The following ACTR3C variants were observed in gnomAD, a reference collection of about 807,000 sequenced individuals.
ACTR3C encodes the protein actin related protein 3C, also known as actin-related protein 3C.
Under a neutral mutation model 26.3 loss-of-function variants are expected in ACTR3C, and 18 were observed. The observed-to-expected ratio is 0.68, with a 90% CI of 0.47 to 1.01. ACTR3C has a LOEUF of 1.01. Among genes scored for constraint, ACTR3C ranks in the 50% least tolerant of loss-of-function variants. The pLI, the probability that ACTR3C is intolerant of heterozygous loss-of-function variation, is 0.00. For missense variants in ACTR3C, 184 were observed against 250.7 expected (o/e 0.73, Z 1.80); for synonymous variants, 55 against 94.5 (o/e 0.58, Z 2.42).
At chr7:149,891,608 C>T in the ACTR3C span, among the ~76,000 whole-genome samples, 15 of 151,814 alleles carry the variant, frequency 9.9e-5, no homozygotes, top group African/African-American at 1.7e-4. Flanking sequence ...GAGGCTCACC[C>T]GAGCCCAGGA....
the ACTR3C span, among the ~76,000 whole-genome samples, chr7:150,006,030 T>C: frequency 6.6e-6 from 1 of 152,002 alleles, no homozygotes; most frequent in Admixed American, 6.6e-5. Flanking sequence ...CCCTGAGGAA[T>C]TGCTGGAGGT....
chr7:150,130,543 A>G, the ACTR3C span, among the ~76,000 whole-genome samples: 1 of 152,228 alleles, frequency 6.6e-6, no homozygotes, highest in Non-Finnish European at 1.5e-5. Flanking sequence ...GGTGGCAAAT[A>G]AATACACAAA....
chr7:149,961,117 T>TACAGTCACAGGAAGTGC, the ACTR3C span, among the ~76,000 whole-genome samples: 146 of 150,222 alleles, frequency 9.7e-4, 2 homozygotes, highest in Non-Finnish European at 1.3e-3. Context: ...ACAGGAAGTG[T>TACAGTCACAGGAAGTGC]ACAGTCACAG....
the ACTR3C span, among the ~76,000 whole-genome samples, chr7:150,036,673 C>T: frequency 4.3e-5 from 6 of 139,816 alleles, no homozygotes; most frequent in Admixed American, 6.9e-5. Context: ...CCTTAAGCTC[C>T]GGTAGATTGC....
chr7:150,060,438 T>A, the ACTR3C span, among the ~76,000 whole-genome samples: 1 of 152,216 alleles, frequency 6.6e-6, no homozygotes, highest in Non-Finnish European at 1.5e-5. Flanking sequence ...TTACTGCTTC[T>A]CTTTCCCACC....
the ACTR3C span, among the ~76,000 whole-genome samples, chr7:149,909,431 A>G: frequency 8.3e-6 from 1 of 120,100 alleles, no homozygotes; most frequent in African/African-American, 3.4e-5. Flanking sequence ...AATTGAATAA[A>G]TGGACCCTGC....
At chr7:149,978,895 G>T in the ACTR3C span, among the ~76,000 whole-genome samples, 6 of 152,178 alleles carry the variant, frequency 3.9e-5, no homozygotes, top group African/African-American at 1.4e-4. Context: ...CAGCCCTAAA[G>T]CGGACTGTTC....
At chr7:149,882,115 C>T in the ACTR3C span, 2 of 152,316 alleles carry the variant, frequency 1.3e-5, no homozygotes, top group Non-Finnish European at 2.9e-5. Flanking sequence ...GGGGGAACCA[C>T]TCTGCCAGTT....
At chr7:149,910,525 G>C in the ACTR3C span, among the ~76,000 whole-genome samples, 2 of 152,068 alleles carry the variant, frequency 1.3e-5, no homozygotes, top group Non-Finnish European at 2.9e-5. Flanking sequence ...GTTGAAACGC[G>C]GTAAGTAAAT....
the ACTR3C span, among the ~76,000 whole-genome samples, chr7:150,046,767 A>C: frequency 6.9e-6 from 1 of 145,002 alleles, no homozygotes; most frequent in South Asian, 2.4e-4. Flanking sequence ...GGTTAAACGC[A>C]TCCATCTAAG....
chr7:149,923,708 A>T, the ACTR3C span, among the ~76,000 whole-genome samples: 16 of 152,266 alleles, frequency 1.1e-4, no homozygotes, highest in Admixed American at 2.0e-4. Context: ...ACACACACAC[A>T]AATGTGAGCC....
the ACTR3C span, among the ~76,000 whole-genome samples, chr7:150,218,940 G>C: frequency 6.6e-6 from 1 of 151,072 alleles, no homozygotes; most frequent in South Asian, 2.1e-4. Flanking sequence ...TAATGTAAAT[G>C]TGAAACATAT....
chr7:149,989,536 CT>C, the ACTR3C span, among the ~76,000 whole-genome samples: 1 of 152,218 alleles, frequency 6.6e-6, no homozygotes, highest in African/African-American at 2.4e-5. Flanking sequence ...TGGTATTTGT[CT>C]TTCTGTGCCT....
chr7:150,180,511 C>CTTTTTTTTTTTTT, the ACTR3C span, among the ~76,000 whole-genome samples: 7 of 125,760 alleles, frequency 5.6e-5, no homozygotes, highest in African/African-American at 2.4e-4. Flanking sequence ...AGTAGTATAT[C>CTTTTTTTTTTTTT]TTTTTTTTTT....
the ACTR3C span, among the ~76,000 whole-genome samples, chr7:150,236,380 A>G: frequency 6.6e-6 from 1 of 152,224 alleles, no homozygotes; most frequent in Non-Finnish European, 1.5e-5. Context: ...ACTCATACCA[A>G]GTACATAATT....
chr7:150,035,910 C>T, the ACTR3C span, among the ~76,000 whole-genome samples: 7 of 133,016 alleles, frequency 5.3e-5, 1 homozygote, highest in Admixed American at 2.2e-4. Context: ...TCCCCACCCT[C>T]GCGGGGGGTG....
At chr7:150,040,843 G>C in the ACTR3C span, among the ~76,000 whole-genome samples, 1 of 148,328 alleles carries the variant, frequency 6.7e-6, no homozygotes, top group Non-Finnish European at 1.5e-5. Flanking sequence ...AAGAGCCAGA[G>C]GGGGAAGAGG....
chr7:150,297,851 C>CAAAAAAAAA (rs35970305), intron 1 of ACTR3C, among the ~76,000 whole-genome samples: 1 of 87,162 alleles, frequency 1.1e-5, no homozygotes, highest in Non-Finnish European at 2.4e-5. Context: ...GACTCCGTCT[C>CAAAAAAAAA]AAAAAAAAAA....
At chr7:149,889,672 G>A in the ACTR3C span, among the ~76,000 whole-genome samples, 2 of 152,078 alleles carry the variant, frequency 1.3e-5, no homozygotes, top group Non-Finnish European at 2.9e-5. Flanking sequence ...TGCAAATGGA[G>A]GCAACCCCAC....
Sources: gnomAD v4.1 joint callset for allele counts (sites outside exome capture counted in the v4.1 genomes callset) on GRCh38, gnomAD v4.1.1 for gene constraint, MANE v1.5 for transcripts, NCBI Gene and HGNC (gene_info 2026-07-23, HGNC 2026-07-21) for gene names.